Variants in GARRE1 observed in about 807,000 individuals in gnomAD.
GARRE1 encodes granule associated Rac and RHOG effector 1.
A neutral mutation model predicts 103.2 loss-of-function variants in GARRE1; 49 were observed. The ratio of observed to expected loss-of-function variants is 0.47; its 90% CI spans 0.38 to 0.60. The LOEUF is 0.60. GARRE1 is among the 20% of genes least tolerant of loss of function. GARRE1 has a pLI of 0.00. For synonymous variants in GARRE1, 505 were observed against 532.8 expected (o/e 0.95, Z 0.72); for missense variants, 1,199 against 1,370.5 (o/e 0.87, Z 1.98).
At chr19:34,307,959 C>G (rs1359920514) in intron 2 of GARRE1, among the ~76,000 whole-genome samples, 2 of 151,194 alleles carry the variant, frequency 1.3e-5, no homozygotes, top group African/African-American at 2.4e-5. Flanking sequence ...CTGGGCCTGG[C>G]TCTCAAATCT....
At chr19:34,329,071 C>T (rs1297613961) in intron 6 of GARRE1, among the ~76,000 whole-genome samples, 7 of 152,196 alleles carry the variant, frequency 4.6e-5, no homozygotes, top group Non-Finnish European at 1.0e-4. Context: ...ATTTGTGGAA[C>T]ATCATGTGTT....
At chr19:34,334,428 G>A (rs547464650) in intron 8 of GARRE1, among the ~76,000 whole-genome samples, 12 of 152,292 alleles carry the variant, frequency 7.9e-5, no homozygotes, top group African/African-American at 2.2e-4. Context: ...GCCAAGTGCG[G>A]TGACTCACAC....
intron 1 of GARRE1, among the ~76,000 whole-genome samples, chr19:34,264,762 A>T (rs1462820528): frequency 6.6e-6 from 1 of 152,150 alleles, no homozygotes; most frequent in Non-Finnish European, 1.5e-5. Context: ...TGATTTGTAA[A>T]TGGTGACATC....
intron 2 of GARRE1, among the ~76,000 whole-genome samples, chr19:34,317,736 C>T (rs181910544): frequency 1.1e-4 from 16 of 152,314 alleles, no homozygotes; most frequent in African/African-American, 3.8e-4. Context: ...ATGCCTTGAT[C>T]TTGTTGTCTA....
chr19:34,339,029 C>T (rs186739517), intron 8 of GARRE1, among the ~76,000 whole-genome samples: 1 of 152,262 alleles, frequency 6.6e-6, no homozygotes. Context: ...ATAAGAAGAG[C>T]TGTCAGGATT....
Position 34,352,790 on chromosome 19 carries a change from G to C in GARRE1, c.3048G>C (p.Gln1016His). The change falls in exon 14 of 14, where the codon CAG (glutamine) becomes CAC (histidine). Residue 1016 changes from glutamine (Q) to histidine (H), a missense_variant. Transcript: ENST00000299505. ...GGAACGACACCATGCAGATGCTGCA[G>C]TCCCCAGTGTGGGCCGCAACCAACG... is the stretch of plus-strand genomic sequence containing the variant. ...SQWNDTMQML[Q>H]SPVWAATNDC... The C allele has an allele frequency of 6.2e-7, 1 of 1,614,078 alleles. No individual in the cohort carries two copies. The highest frequency in any genetic ancestry group is 8.5e-7 in the Non-Finnish European group (1 of 1,180,018).
chr19:34,266,274 G>A (rs1245879958), intron 1 of GARRE1, among the ~76,000 whole-genome samples: 2 of 152,232 alleles, frequency 1.3e-5, no homozygotes, highest in African/African-American at 4.8e-5. Flanking sequence ...CGAGTGGATG[G>A]TGAGGAATCA....
chr19:34,350,999 G>A (rs1316568937), intron 12 of GARRE1, among the ~76,000 whole-genome samples: 4 of 151,770 alleles, frequency 2.6e-5, no homozygotes, highest in Non-Finnish European at 4.4e-5. Context: ...AGGAGTTCGA[G>A]ATCAGCCTGG....
At position 34,318,133 on chromosome 19, in the gene GARRE1, G is replaced by A. The variant is rs1446215598; in HGVS notation, c.496-1774G>A. Among the ~76,000 whole-genome samples the A allele has an allele frequency of 1.6e-4, 25 of 152,206 alleles. 1 individual carries two copies. The highest frequency in any genetic ancestry group is 1.6e-3 in the Admixed American group (25 of 15,280). ...GGTCCTGGTGATTTCCACAGGGTGA[G>A]GAGGGATTCGGAGATAATAAGTGTC... is the stretch of plus-strand genomic sequence containing the variant. On this transcript the variant is annotated intron_variant, in intron 2 of 13. Transcript: ENST00000299505.
intron 1 of GARRE1, among the ~76,000 whole-genome samples, chr19:34,289,735 A>T (rs1005582091): frequency 7.3e-5 from 11 of 149,752 alleles, no homozygotes; most frequent in East Asian, 1.9e-4. Flanking sequence ...AAAAAAAAAT[A>T]AAAAAAAGTA....
At chr19:34,317,602 G>C (rs185870691) in intron 2 of GARRE1, among the ~76,000 whole-genome samples, 1 of 152,186 alleles carries the variant, frequency 6.6e-6, no homozygotes, top group Non-Finnish European at 1.5e-5. Context: ...CATGCAAGCC[G>C]ATGCCAGTTT....
intron 1 of GARRE1, among the ~76,000 whole-genome samples, chr19:34,278,739 C>T (rs2073833293): frequency 6.6e-6 from 1 of 151,984 alleles, no homozygotes; most frequent in Non-Finnish European, 1.5e-5. Context: ...GTGGTGCAGT[C>T]AAGCTTACTG....
At chr19:34,290,081 G>A (rs1335293936) in intron 1 of GARRE1, among the ~76,000 whole-genome samples, 6 of 152,174 alleles carry the variant, frequency 3.9e-5, no homozygotes, top group Admixed American at 3.3e-4. Flanking sequence ...TAAGGACCGG[G>A]CGCAGTGGCT....
At chr19:34,330,477 C>A (rs1483075699) in intron 7 of GARRE1, 130 bp downstream of exon 7, 3 of 884,854 alleles carry the variant, frequency 3.4e-6, no homozygotes, top group Non-Finnish European at 3.4e-6. Context: ...GGAATTTAGA[C>A]CAGGCAGGTA....
At chr19:34,348,880 G>C in intron 11 of GARRE1, 136 bp from the exon 12 acceptor site, 1 of 978,146 alleles carries the variant, frequency 1.0e-6, no homozygotes, top group South Asian at 1.6e-5. Context: ...AAAACCTCAC[G>C]TTTTAAGAAG....
chr19:34,307,436 T>C (rs908800919), intron 2 of GARRE1, among the ~76,000 whole-genome samples: 3 of 152,044 alleles, frequency 2.0e-5, no homozygotes, highest in East Asian at 1.9e-4. Context: ...CTAAGGAGAC[T>C]GTATTTTATA....
intron 8 of GARRE1, among the ~76,000 whole-genome samples, 157 bp from the exon 9 acceptor site, chr19:34,339,710 A>G (rs1375254090): frequency 1.3e-5 from 2 of 152,196 alleles, no homozygotes; most frequent in Non-Finnish European, 2.9e-5. Flanking sequence ...AGTGAGTTCC[A>G]GGATCAGCCC....
At chr19:34,352,595 AATGATGAT>A in intron 13 of GARRE1, 44 bp from the exon 14 acceptor site, 3 of 1,482,968 alleles carry the variant, frequency 2.0e-6, no homozygotes, top group Non-Finnish European at 2.8e-6. Context: ...GGAGGTGGGA[AATGATGAT>A]ACATTGCCCG....
chr19:34,331,226 A>G (rs2074136594), intron 7 of GARRE1, among the ~76,000 whole-genome samples: 1 of 151,964 alleles, frequency 6.6e-6, no homozygotes, highest in African/African-American at 2.4e-5. Context: ...AAAACATTAC[A>G]TTAGTAACAA....
Sources: allele counts gnomAD v4.1 joint callset (sites outside exome capture counted in the v4.1 genomes callset), GRCh38; gene constraint gnomAD v4.1.1; transcripts MANE v1.5; gene names NCBI Gene and HGNC (gene_info 2026-07-23, HGNC 2026-07-21).